Variants in CAPN15 observed in about 807,000 individuals in gnomAD.
CAPN15 encodes the protein calpain 15, also known as calpain-15.
Under a neutral mutation model 97.9 loss-of-function variants are expected in CAPN15, and 53 were observed. The ratio of observed to expected loss-of-function variants is 0.54; its 90% CI spans 0.43 to 0.68. The LOEUF is 0.68. CAPN15 is among the 30% of genes least tolerant of loss of function. The pLI, the probability that CAPN15 is intolerant of heterozygous loss-of-function variation, is 0.00. For synonymous variants in CAPN15, 922 were observed against 722.5 expected, an observed-to-expected ratio of 1.28 and a Z score of -4.43; for missense variants, 1,592 against 1,589.8, an observed-to-expected ratio of 1.00 and a Z score of -0.02.
chr16:550,721 GGTGAGGGTCCCC>G (rs1567156827), intron 7 of CAPN15, among the ~76,000 whole-genome samples: 1 of 146,624 alleles, frequency 6.8e-6, no homozygotes, highest in African/African-American at 2.6e-5. Flanking sequence ...GTCCCCTGTC[GGTGAGGGTCCCC>G]GTCGGTGAGG....
intron 3 of CAPN15, chr16:540,385 AG>A: frequency 1.0e-6 from 1 of 983,562 alleles, no homozygotes; most frequent in Non-Finnish European, 1.2e-6. Flanking sequence ...AGAGGTGGGG[AG>A]GGGTGGCCCC....
chr16:547,434 C>G lies in CAPN15; in HGVS notation c.596C>G (p.Ala199Gly). 1 of 1,582,656 alleles carries G rather than the reference C, an allele frequency of 6.3e-7. No homozygotes were observed. The highest frequency in any genetic ancestry group is 8.5e-7 in the Non-Finnish European group (1 of 1,171,922). Residue 199 changes from alanine to glycine, a missense_variant, in exon 4 of 14, where the codon GCG (alanine) becomes GGG (glycine). Ala to Gly is a moderately conservative substitution (Grantham distance 60, BLOSUM62 0). This residue lies in a region of CAPN15 where 883 missense variants were observed against 776.6 expected (regional missense o/e 1.14). Coordinates refer to ENST00000219611, the MANE Select transcript of CAPN15 (RefSeq NM_005632.3). Reference sequence around the variant, plus strand: ...GCCGGCTTCCACGTCGTGCCTGCCGCGCCTCCACCTGGCCTCCCCGGGGAA... The same window carrying G: ...GCCGGCTTCCACGTCGTGCCTGCCGGGCCTCCACCTGGCCTCCCCGGGGAA... ...APAGFHVVPA[A>G]PPPGLPGEGA...
Position 546,827 on chromosome 16 carries a change from T to C in CAPN15, c.-12T>C, listed in dbSNP as rs755497777. On this transcript the variant is annotated 5_prime_UTR_variant, in exon 4 of 14. Transcript: ENST00000219611. Reference sequence around the variant, plus strand: ...CACCTTCCCTTGCAGCCACACCCACTCGCCCGGGTCTATGGCCACGGTCGG... The same window carrying C: ...CACCTTCCCTTGCAGCCACACCCACCCGCCCGGGTCTATGGCCACGGTCGG... 17 of 1,588,792 alleles carry C rather than the reference T, an allele frequency of 1.1e-5. No individual in the cohort carries two copies. Among genetic ancestry groups the C allele is most frequent in the Non-Finnish European group, 1.5e-5 (17 of 1,164,768 alleles).
intron 3 of CAPN15, chr16:540,203 C>T (rs2141994823): frequency 1.0e-6 from 1 of 985,518 alleles, no homozygotes; most frequent in Non-Finnish European, 1.2e-6. Flanking sequence ...GGGAGCTCCG[C>T]CTCCTCCCTG....
chr16:530,039 G>C (rs1007799581), intron 1 of CAPN15, among the ~76,000 whole-genome samples: 14 of 152,350 alleles, frequency 9.2e-5, no homozygotes, highest in African/African-American at 3.4e-4. Context: ...TCTGCCTAAA[G>C]CCCTTCCGCA....
In CAPN15 at chr16:535,757, C is replaced by T. The variant is rs556940641; in HGVS notation, c.-136-272C>T. 9.9e-5 allele frequency among the ~76,000 whole-genome samples: 15 copies of T among 152,278 alleles called. No individual in the cohort carries two copies. The highest frequency in any genetic ancestry group is 8.3e-4 in the South Asian group (4 of 4,830). On this transcript the variant is annotated intron_variant, in intron 2 of 13. Transcript: ENST00000219611. This position sits in a 1 kb window ranked among gnomAD's most constrained non-coding sequence, Gnocchi z 6.2. ...GCCCTGAGAGTCAGCCCTGTGGTCA[C>T]GGCTCCTGCTGGTTCCCATTCGCGA... is the stretch of plus-strand genomic sequence containing the variant.
Position 543,037 on chromosome 16 carries a change from T to C in CAPN15, c.-22-3780T>C, listed in dbSNP as rs375452500. Among the ~76,000 whole-genome samples the C allele has an allele frequency of 3.5e-4, 53 of 151,882 alleles. No homozygotes were observed. In the East Asian group the frequency reaches 7.0e-3, roughly 20 times the overall value. ...CTGCACTCCAGTGTGGGCGACAGAG[T>C]GAGACTCTGTCTCAAAATAAAAATA... On this transcript the variant is annotated intron_variant, in intron 3 of 13. Transcript: ENST00000219611.
Position 548,269 on chromosome 16 carries a change from C to G in CAPN15, c.1431C>G (p.Ile477Met), listed in dbSNP as rs746946764. Residue 477 changes from isoleucine to methionine, a missense_variant, in exon 4 of 14, where the codon ATC becomes ATG. Transcript: ENST00000219611. ...AGGCCAAGGCACTCTGGGAGAACAT[C>G]GTGGCCTTCTGCCGGGAGGTGAGGC... Reference protein sequence around the residue: ...EGEAKALWENIVAFCRENNVS... With the variant: ...EGEAKALWENMVAFCRENNVS... The G allele has an allele frequency of 1.3e-6, 2 of 1,522,198 alleles. No homozygotes were observed. The allele number at this position is 1,522,198 out of a possible 1,614,324, so 94.3% of individuals were successfully genotyped here. A position where few individuals can be genotyped will look rare whatever the true frequency, so the allele number is the denominator to read the frequency against.
At chr16:539,004 T>G (rs2033922542) in intron 3 of CAPN15, 1 of 150,790 alleles carries the variant, frequency 6.6e-6, no homozygotes, top group South Asian at 2.1e-4. Flanking sequence ...GCTCACGCCA[T>G]CCTCCCACGT....
At chr16:529,429 A>G (rs1178342269) in intron 1 of CAPN15, among the ~76,000 whole-genome samples, 2 of 152,184 alleles carry the variant, frequency 1.3e-5, no homozygotes, top group Admixed American at 6.5e-5. Flanking sequence ...CCCCAGTGCC[A>G]CAGGTGAGGA....
At position 548,269 on chromosome 16, in the gene CAPN15, C is replaced by A; in HGVS notation, c.1431C>A (p.Ile477=). The change falls in exon 4 of 14, where the codon ATC becomes ATA. Residue 477 remains isoleucine, a synonymous_variant. Coordinates refer to ENST00000219611, the MANE Select transcript of CAPN15 (RefSeq NM_005632.3). ...AGGCCAAGGCACTCTGGGAGAACATCGTGGCCTTCTGCCGGGAGGTGAGGC... is the reference window on the plus strand; with the variant it reads ...AGGCCAAGGCACTCTGGGAGAACATAGTGGCCTTCTGCCGGGAGGTGAGGC... ...EGEAKALWEN[I]VAFCRENNVS... The A allele has an allele frequency of 6.6e-7, 1 of 1,522,198 alleles. No individual in the cohort carries two copies. The highest frequency in any genetic ancestry group is 8.8e-7 in the Non-Finnish European group (1 of 1,136,724). 94.3% of individuals were successfully genotyped at this position (1,522,198 alleles called of 1,614,324 possible).
At chr16:539,539 C>T (rs2033965744) in intron 3 of CAPN15, 1 of 152,328 alleles carries the variant, frequency 6.6e-6, no homozygotes, top group South Asian at 2.1e-4. Context: ...GGCTCTCGCC[C>T]CTCTGGAGGG....
chr16:547,935 C>A lies in CAPN15; in HGVS notation c.1097C>A (p.Ser366Tyr). 1 of 1,602,518 alleles carries A rather than the reference C, an allele frequency of 6.2e-7. No individual in the cohort carries two copies. Among genetic ancestry groups the A allele is most frequent in the East Asian group, 2.3e-5 (1 of 44,140 alleles). Reference sequence around the variant, plus strand: ...CCCAGGTGCTCGGCCTGCGGCTGCTCCAAACTGCACGGCTTCCAGGAGCAT... The same window carrying A: ...CCCAGGTGCTCGGCCTGCGGCTGCTACAAACTGCACGGCTTCCAGGAGCAT... Reference protein sequence around the residue: ...VAPRCSACGCSKLHGFQEHGE... With the variant: ...VAPRCSACGCYKLHGFQEHGE... The change falls in exon 4 of 14, where the codon TCC becomes TAC. Residue 366 changes from serine to tyrosine, a missense_variant. Physicochemically the swap from Ser to Tyr is moderately radical, Grantham distance 144 (BLOSUM62 -2). Transcript: ENST00000219611.
chr16:540,382 GGGAGGGGTGGCCCC>G, intron 3 of CAPN15: 1 of 984,386 alleles, frequency 1.0e-6, no homozygotes, highest in Non-Finnish European at 1.2e-6. Context: ...GTAAGAGGTG[GGGAGGGGTGGCCCC>G]GGAGGGCTCC....
intron 3 of CAPN15, chr16:536,746 T>G (rs1242885787): frequency 6.6e-6 from 1 of 152,402 alleles, no homozygotes; most frequent in Non-Finnish European, 1.5e-5. Flanking sequence ...CCGTAGCTGC[T>G]CATCCTGTAC....
intron 3 of CAPN15, among the ~76,000 whole-genome samples, chr16:544,215 C>A (rs963924953): frequency 2.0e-5 from 3 of 152,150 alleles, no homozygotes; most frequent in Non-Finnish European, 2.9e-5. Context: ...TGAGCAGAGC[C>A]CCCCATGGTA....
At chr16:531,694 G>A (rs373785978) in intron 1 of CAPN15, among the ~76,000 whole-genome samples, 2 of 145,434 alleles carry the variant, frequency 1.4e-5, no homozygotes, top group East Asian at 4.0e-4. Context: ...GTGCCCCCAG[G>A]GCCACACGGC....
rs758481199 is a variant in CAPN15 at position 552,138 on chromosome 16, G to T, written c.2433G>T (p.Ala811=). Reference sequence around the variant, plus strand: ...GCTGCTTTCCCAGCTCGGCCAGCGCGCCCGTGGGGGTAACAGCGCTCACGG... The same window carrying T: ...GCTGCTTTCCCAGCTCGGCCAGCGCTCCCGTGGGGGTAACAGCGCTCACGG... ...VQGCFPSSAS[A]PVGVTALTVL... The change falls in exon 10 of 14, where the codon GCG becomes GCT. Residue 811 remains alanine, a synonymous_variant. Transcript: ENST00000219611. The surrounding 1 kb of genome is among the most constrained non-coding windows in gnomAD (Gnocchi z 6.4). 6.5e-7 allele frequency: 1 copy of T among 1,547,558 alleles called. No homozygotes were observed. Among genetic ancestry groups the T allele is most frequent in the Non-Finnish European group, 8.7e-7 (1 of 1,146,172 alleles).
chr16:543,029 C>T (rs532939429), intron 3 of CAPN15, among the ~76,000 whole-genome samples: 12 of 151,992 alleles, frequency 7.9e-5, no homozygotes, highest in South Asian at 4.2e-4. Flanking sequence ...CCAGTGTGGG[C>T]GACAGAGTGA....
Sources: gnomAD v4.1 joint callset for allele counts (sites outside exome capture counted in the v4.1 genomes callset) on GRCh38, gnomAD v4.1.1 for gene constraint, gnomAD v4.1.1 regional missense constraint, Gnocchi (gnomAD v3.1) non-coding constraint, MANE v1.5 for transcripts, NCBI Gene and HGNC (gene_info 2026-07-23, HGNC 2026-07-21) for gene names.